GGN: variants seen among roughly 807,000 people sequenced by gnomAD.
GGN encodes the protein gametogenetin.
Under a neutral mutation model 35.5 loss-of-function variants are expected in GGN, and 27 were observed. The observed-to-expected ratio is 0.76, with a 90% CI of 0.56 to 1.05. The LOEUF (loss-of-function observed/expected upper bound fraction) is 1.05, where lower values mean the gene tolerates loss of function less well. GGN is among the 50% of genes least tolerant of loss of function. The pLI is 0.00. For missense variants in GGN, 1,006 were observed against 940.7 expected (o/e 1.07, Z -0.91); for synonymous variants, 425 against 444.1 (o/e 0.96, Z 0.54).
rs552026473 is a variant in GGN at position 38,386,806 on chromosome 19, G to A, written c.456C>T (p.Ser152=). ...GGGCCCTCGGGACAGTGTCCTTCAC[G>A]GATAGTTGCCGGGGCGGCGGCGGCG... ...LKPPPPPRQL[S]VKDTVPRAPS... is the part of the protein sequence containing the mutation. Residue 152 remains serine, a synonymous_variant, in exon 3 of 4, where the codon TCC becomes TCT. Coordinates refer to ENST00000334928, the MANE Select transcript of GGN (RefSeq NM_152657.4). 2.5e-6 allele frequency: 4 copies of A among 1,609,958 alleles called. No homozygotes were observed. Among genetic ancestry groups the A allele is most frequent in the East Asian group, 4.5e-5 (2 of 44,754 alleles).
In GGN at chr19:38,386,721, G is replaced by A. The variant is rs778997282; in HGVS notation, c.541C>T (p.Arg181Trp). 69 of 1,608,158 alleles carry A rather than the reference G, an allele frequency of 4.3e-5. No individual in the cohort carries two copies. The Middle Eastern group carries it at 5.0e-4, about 12-fold the overall frequency. The change falls in exon 3 of 4, where the codon CGG becomes TGG. Residue 181 changes from arginine to tryptophan, a missense_variant. Physicochemically the swap from Arg to Trp is moderately radical, Grantham distance 101 (BLOSUM62 -3). Coordinates refer to ENST00000334928, the MANE Select transcript of GGN (RefSeq NM_152657.4). ...GTGATTCTGCGGTCCGCCGGCTGCC[G>A]TTCAGAAGGTAATGGTGGTGGCGGC... ...WKPPPPLPSERQPADRRITPA... is the reference protein window; with the variant it reads ...WKPPPPLPSEWQPADRRITPA...
chr19:38,385,560 C>T lies in GGN; in HGVS notation c.1702G>A (p.Gly568Arg), dbSNP rs750033280. 1 of 1,614,072 alleles carries T rather than the reference C, an allele frequency of 6.2e-7. No individual in the cohort carries two copies. ...TTAGCTGCCCCAGTCTGAGAGGCCC[C>T]GCTGCCACCACCCCCTCCACCACTG... Reference protein sequence around the residue: ...DSSGGGGGGSGASQTGAANTR... With the variant: ...DSSGGGGGGSRASQTGAANTR... Residue 568 changes from glycine to arginine, a missense_variant, in exon 3 of 4, where the codon GGG (glycine) becomes AGG (arginine). Transcript: ENST00000334928.
In GGN at chr19:38,386,799, C is replaced by G; in HGVS notation, c.463G>C (p.Asp155His). ...PPPPRQLSVK[D>H]TVPRAPSQFP... is the part of the protein sequence containing the mutation. ...TGGGATGGGGCCCTCGGGACAGTGT[C>G]CTTCACGGATAGTTGCCGGGGCGGC... Residue 155 changes from aspartate (D) to histidine (H), a missense_variant, in exon 3 of 4, where the codon GAC becomes CAC. Transcript: ENST00000334928. 9 of 1,610,536 alleles carry G rather than the reference C, an allele frequency of 5.6e-6. No individual in the cohort carries two copies. The highest frequency in any genetic ancestry group is 7.6e-6 in the Non-Finnish European group (9 of 1,177,860).
chr19:38,384,539 G>A lies in GGN; in HGVS notation c.1842-10C>T, dbSNP rs1252122404. ...GGTGGATGTGCTCAGCCTAGTGGGG[G>A]AGGGTAGAGTCAGCAAAGCCCAGCA... On this transcript the variant is annotated splice_polypyrimidine_tract_variant and intron_variant, in intron 3 of 3. Transcript: ENST00000334928. The A allele has an allele frequency of 1.2e-6, 2 of 1,608,974 alleles. No individual in the cohort carries two copies. Among genetic ancestry groups the A allele is most frequent in the South Asian group, 1.1e-5 (1 of 90,960 alleles).
At position 38,386,249 on chromosome 19, in the gene GGN, G is replaced by A. The variant is rs746741351; in HGVS notation, c.1013C>T (p.Pro338Leu). 6.2e-6 allele frequency: 10 copies of A among 1,610,292 alleles called. No homozygotes were observed. The highest frequency in any genetic ancestry group is 2.2e-5 in the South Asian group (2 of 90,920). ...GCCTGGGAAGGTGGTGTAGGGTGGC[G>A]GCGGTAGGGCCCGGGCTTGGGACGC... is the stretch of plus-strand genomic sequence containing the variant. The part of the protein sequence containing the change: ...APASQARALP[P>L]PPYTTFPGSK... Residue 338 changes from proline (P) to leucine (L), a missense_variant, in exon 3 of 4, where the codon CCG becomes CTG. Coordinates refer to ENST00000334928, the MANE Select transcript of GGN (RefSeq NM_152657.4).
At position 38,384,418 on chromosome 19, in the gene GGN, G is replaced by A. The variant is rs139780646; in HGVS notation, c.1953C>T (p.Ser651=). The change falls in exon 4 of 4, where the codon TCC becomes TCT. Residue 651 remains serine (S), a synonymous_variant. Coordinates refer to ENST00000334928, the MANE Select transcript of GGN (RefSeq NM_152657.4). ...LEHYDLQATH[S]N ...GGTGTTGAGCCGACTACACTCAGTTGGAATGGGTGGCCTGCAAGTCGTAGT... is the reference window on the plus strand; with the variant it reads ...GGTGTTGAGCCGACTACACTCAGTTAGAATGGGTGGCCTGCAAGTCGTAGT... 4.5e-5 allele frequency: 72 copies of A among 1,611,752 alleles called. No homozygotes were observed. The highest frequency in any genetic ancestry group is 5.9e-5 in the Non-Finnish European group (70 of 1,178,044).
At chr19:38,385,231 C>T (rs78554911) in intron 3 of GGN, among the ~76,000 whole-genome samples, 190 bp downstream of exon 3, 2,538 of 152,316 alleles carry the variant, frequency 0.017, 76 homozygotes, top group African/African-American at 0.058. Context: ...GGGTGTCCCC[C>T]TTTCCCCGTC....
chr19:38,387,091 G>A lies in GGN; in HGVS notation c.171C>T (p.Pro57=). The A allele has an allele frequency of 6.4e-7, 1 of 1,559,374 alleles. No individual in the cohort carries two copies. The highest frequency in any genetic ancestry group is 8.7e-7 in the Non-Finnish European group (1 of 1,151,476). Residue 57 remains proline, a synonymous_variant, in exon 3 of 4, where the codon CCC becomes CCT. Transcript: ENST00000334928. The surrounding 1 kb of genome is among the most constrained non-coding windows in gnomAD (Gnocchi z 5.3). Reference sequence around the variant, plus strand: ...GCTCCCGGGGTACCATGAGTCCCGGGGGTGTGGCGCTGCCAGGGAACCAGA... The same window carrying A: ...GCTCCCGGGGTACCATGAGTCCCGGAGGTGTGGCGCTGCCAGGGAACCAGA... ...LGVWFPGSAT[P]PGLMVPREPQ...
upstream of GGN, chr19:38,388,329 C>T: frequency 2.5e-6 from 1 of 394,656 alleles, no homozygotes; most frequent in Non-Finnish European, 4.5e-6. Flanking sequence ...ATCCAAACCT[C>T]CTTATACCCA....
In GGN at chr19:38,387,180, G is replaced by A. The variant is rs999893186; in HGVS notation, c.82C>T (p.Arg28Trp). The A allele has an allele frequency of 1.9e-6, 3 of 1,589,868 alleles. No individual in the cohort carries two copies. Among genetic ancestry groups the A allele is most frequent in the East Asian group, 2.3e-5 (1 of 43,290 alleles). ...QPSDRAPDSR[R>W]TSLVEPEMTS... ...ATCTCGGGCTCCACCAGGGACGTCCGGCGGGAGTCGGGGGCGCGGTCCGAG... is the reference window on the plus strand; with the variant it reads ...ATCTCGGGCTCCACCAGGGACGTCCAGCGGGAGTCGGGGGCGCGGTCCGAG... The change falls in exon 3 of 4, where the codon CGG becomes TGG. Residue 28 changes from arginine (R) to tryptophan (W), a missense_variant. By Grantham distance (101) the Arg-to-Trp change is moderately radical. Coordinates refer to ENST00000334928, the MANE Select transcript of GGN (RefSeq NM_152657.4). This position sits in a 1 kb window ranked among gnomAD's most constrained non-coding sequence, Gnocchi z 5.3.
chr19:38,388,220 T>G, upstream of GGN: 1 of 303,308 alleles, frequency 3.3e-6, no homozygotes, highest in South Asian at 1.6e-4. Context: ...CCCGGCAACA[T>G]CGCTTCTCAA....
Position 38,386,184 on chromosome 19 carries a change from G to A in GGN, c.1078C>T (p.Pro360Ser), listed in dbSNP as rs1275637796. ...CCGTTGAAGCGGAAGTGGCGTTCAGGGCCGTCGGGAGCGCTAACCCAGTCG... is the reference window on the plus strand; with the variant it reads ...CCGTTGAAGCGGAAGTGGCGTTCAGAGCCGTCGGGAGCGCTAACCCAGTCG... ...KFDWVSAPDG[P>S]ERHFRFNGAG... Residue 360 changes from proline to serine, a missense_variant, in exon 3 of 4, where the codon CCT (proline) becomes TCT (serine). Pro to Ser is a moderately conservative substitution (Grantham distance 74). Transcript: ENST00000334928. 3 of 1,600,078 alleles carry A rather than the reference G, an allele frequency of 1.9e-6. No individual in the cohort carries two copies. Among genetic ancestry groups the A allele is most frequent in the Non-Finnish European group, 2.5e-6 (3 of 1,177,604 alleles).
At position 38,384,533 on chromosome 19, in the gene GGN, G is replaced by A. The variant is rs780069031; in HGVS notation, c.1842-4C>T. ...GTGGTTGGTGGATGTGCTCAGCCTA[G>A]TGGGGGAGGGTAGAGTCAGCAAAGC... On this transcript the variant is annotated splice_region_variant and splice_polypyrimidine_tract_variant and intron_variant, in intron 3 of 3. Transcript: ENST00000334928. The A allele has an allele frequency of 8.7e-6, 14 of 1,611,328 alleles. No homozygotes were observed. The South Asian group carries it at 1.5e-4, about 18-fold the overall frequency.
chr19:38,387,034 G>A lies in GGN; in HGVS notation c.228C>T (p.Thr76=). ...GCATCACTGGAGAGGGCCGTTCTAAGGTGAGGGGCAGGGTCGAGGGTGAGG... is the reference window on the plus strand; with the variant it reads ...GCATCACTGGAGAGGGCCGTTCTAAAGTGAGGGGCAGGGTCGAGGGTGAGG... ...PQASPSTLPL[T]LERPSPVMPP... The change falls in exon 3 of 4, where the codon ACC becomes ACT. Residue 76 remains threonine, a synonymous_variant. Transcript: ENST00000334928. This position sits in a 1 kb window ranked among gnomAD's most constrained non-coding sequence, Gnocchi z 5.3. 1 of 1,555,280 alleles carries A rather than the reference G, an allele frequency of 6.4e-7. No homozygotes were observed. Among genetic ancestry groups the A allele is most frequent in the Non-Finnish European group, 8.7e-7 (1 of 1,149,362 alleles).
rs539372462 is a variant in GGN, at chr19:38,387,012, T to A, written c.250A>T (p.Met84Leu). 13 of 1,545,500 alleles carry A rather than the reference T, an allele frequency of 8.4e-6. No homozygotes were observed. The African/African-American group carries it at 1.1e-4, about 13-fold the overall frequency. The change falls in exon 3 of 4, where the codon ATG becomes TTG. Residue 84 changes from methionine (M) to leucine (L), a missense_variant. Physicochemically the swap from Met to Leu is conservative, Grantham distance 15 (BLOSUM62 2). Coordinates refer to ENST00000334928, the MANE Select transcript of GGN (RefSeq NM_152657.4). The surrounding 1 kb of genome is among the most constrained non-coding windows in gnomAD (Gnocchi z 5.3). ...GCGGCCGCCTCTTCAGGAGGGGGCATCACTGGAGAGGGCCGTTCTAAGGTG... is the reference window on the plus strand; with the variant it reads ...GCGGCCGCCTCTTCAGGAGGGGGCAACACTGGAGAGGGCCGTTCTAAGGTG... ...PLTLERPSPVMPPPEEAAAVS... is the reference protein window; with the variant it reads ...PLTLERPSPVLPPPEEAAAVS...
Position 38,384,536 on chromosome 19 carries a change from G to C in GGN, c.1842-7C>G, listed in dbSNP as rs754923601. On this transcript the variant is annotated splice_region_variant and splice_polypyrimidine_tract_variant and intron_variant, in intron 3 of 3. Coordinates refer to ENST00000334928, the MANE Select transcript of GGN (RefSeq NM_152657.4). ...GTTGGTGGATGTGCTCAGCCTAGTG[G>C]GGGAGGGTAGAGTCAGCAAAGCCCA... The C allele has an allele frequency of 5.0e-6, 8 of 1,610,608 alleles. No individual in the cohort carries two copies. The highest frequency in any genetic ancestry group is 1.7e-4 in the Middle Eastern group (1 of 5,750).
rs1970710100 is a variant in GGN at position 38,385,964 on chromosome 19, C to T, written c.1298G>A (p.Gly433Asp). The T allele has an allele frequency of 6.2e-7, 1 of 1,602,156 alleles. No homozygotes were observed. The highest frequency in any genetic ancestry group is 8.5e-7 in the Non-Finnish European group (1 of 1,174,918). The stretch of plus-strand genomic sequence containing the variant: ...TGGCAGCGGTGGTAACTCCTGCAGG[C>T]CTGGAGGCCCCGGGCGCATGGGCTC... ...NGEPMRPGPP[G>D]LQELPPLPPP... Residue 433 changes from glycine to aspartate, a missense_variant, in exon 3 of 4, where the codon GGC becomes GAC. Transcript: ENST00000334928.
Position 38,385,841 on chromosome 19 carries a change from G to C in GGN, c.1421C>G (p.Ser474Ter), listed in dbSNP as rs1970705787. Residue 474 changes from serine to a stop codon, truncating the protein, a stop_gained, in exon 3 of 4, where the codon TCA (serine) becomes TGA (stop). Transcript: ENST00000334928. LOFTEE classifies it high-confidence loss of function. ...PLTPGLGHKE[S>*]ALAPTAAPAL... is the part of the protein sequence containing the mutation. ...AGGGGCTGCGGTGGGAGCCAGGGCTGACTCCTTGTGGCCCAGACCCGGGGT... is the reference window on the plus strand; with the variant it reads ...AGGGGCTGCGGTGGGAGCCAGGGCTCACTCCTTGTGGCCCAGACCCGGGGT... 2 of 1,541,580 alleles carry C rather than the reference G, an allele frequency of 1.3e-6. No individual in the cohort carries two copies. Among genetic ancestry groups the C allele is most frequent in the Non-Finnish European group, 1.7e-6 (2 of 1,147,766 alleles).
chr19:38,386,591 G>A lies in GGN; in HGVS notation c.671C>T (p.Ala224Val). The part of the protein sequence containing the change: ...GRARGGAPPH[A>V]GEGEMAQPAD... ...AGGCTGGGCCATTTCGCCTTCGCCCGCATGGGGAGGCGCCCCTCCGCGAGC... is the reference window on the plus strand; with the variant it reads ...AGGCTGGGCCATTTCGCCTTCGCCCACATGGGGAGGCGCCCCTCCGCGAGC... Residue 224 changes from alanine to valine, a missense_variant, in exon 3 of 4, where the codon GCG becomes GTG. Transcript: ENST00000334928. The A allele has an allele frequency of 6.2e-7, 1 of 1,613,126 alleles. No individual in the cohort carries two copies.
Sources: allele counts gnomAD v4.1 joint callset (sites outside exome capture counted in the v4.1 genomes callset), GRCh38; gene constraint gnomAD v4.1.1; non-coding constraint Gnocchi (gnomAD v3.1); transcripts MANE v1.5; gene names NCBI Gene and HGNC (gene_info 2026-07-23, HGNC 2026-07-21).